Variants in RYR1 observed in about 807,000 individuals in gnomAD.
RYR1 encodes the protein central core disease of muscle.
RYR1 carries 342 observed loss-of-function variants against 583.5 expected under a neutral mutation model. That is an observed-to-expected ratio of 0.59 (90% CI 0.54 to 0.64). The LOEUF is 0.64. Ranked by LOEUF, RYR1 falls within the 30% of genes least tolerant of loss-of-function variation. The probability of loss-of-function intolerance (pLI) is 0.00; values close to 1 mark genes in which losing one functional copy is unlikely to be tolerated. For synonymous variants in RYR1, 2,791 were observed against 2,822.5 expected (o/e 0.99, Z 0.35); for missense variants, 6,032 against 6,917.2 (o/e 0.87, Z 4.54).
At chr19:38,571,547 GAATC>G (rs1973714720) in intron 94 of RYR1, among the ~76,000 whole-genome samples, 1 of 152,260 alleles carries the variant, frequency 6.6e-6, no homozygotes, top group African/African-American at 2.4e-5. Context: ...TGAGGCAGTA[GAATC>G]CCTTGAACCC....
rs1412201176 is a variant in RYR1 at position 38,506,479 on chromosome 19, A to G, written c.8625A>G (p.Ala2875=). 7.4e-6 allele frequency: 12 copies of G among 1,614,012 alleles called. No homozygotes were observed. Among genetic ancestry groups the G allele is most frequent in the Admixed American group, 1.7e-5 (1 of 60,002 alleles). ...VTLSRELQAM[A]EQLAENYHNT... ...TCTGCATCCACTCCCAGGCCATGGC[A>G]GAACAACTGGCAGAAAATTACCACA... Residue 2875 remains alanine (A), a synonymous_variant, in exon 56 of 106, where the codon GCA becomes GCG. Coordinates refer to ENST00000359596, the MANE Select transcript of RYR1 (RefSeq NM_000540.3).
chr19:38,485,700 A>T lies in RYR1; in HGVS notation c.5045A>T (p.His1682Leu). ...VCALGNNRVA[H>L]ALCSHVDQAQ... Reference sequence around the variant, plus strand: ...GCCCTGGGCAACAATCGCGTGGCGCACGCTCTGTGCAGCCACGTAGACCAA... The same window carrying T: ...GCCCTGGGCAACAATCGCGTGGCGCTCGCTCTGTGCAGCCACGTAGACCAA... The change falls in exon 34 of 106, where the codon CAC (histidine) becomes CTC (leucine). Residue 1682 changes from histidine to leucine, a missense_variant. By Grantham distance (99) the His-to-Leu change is moderately conservative. Transcript: ENST00000359596. The T allele has an allele frequency of 1.2e-6, 2 of 1,611,574 alleles. No homozygotes were observed. The highest frequency in any genetic ancestry group is 1.1e-5 in the South Asian group (1 of 91,054).
At chr19:38,563,875 G>A (rs1317017045) in intron 90 of RYR1, among the ~76,000 whole-genome samples, 1 of 152,172 alleles carries the variant, frequency 6.6e-6, no homozygotes, top group Non-Finnish European at 1.5e-5. Context: ...CACCTTGTCT[G>A]TGTCACCTGG....
At chr19:38,442,557 C>G in intron 3 of RYR1, 104 bp downstream of exon 3, 2 of 768,534 alleles carry the variant, frequency 2.6e-6, no homozygotes, top group South Asian at 2.9e-5. Context: ...ACCCGGGGGT[C>G]GCTTACCATC....
Position 38,561,253 on chromosome 19 carries a change from C to A in RYR1, c.12423C>A (p.Asn4141Lys). Residue 4141 changes from asparagine (N) to lysine (K), a missense_variant, in exon 90 of 106, where the codon AAC becomes AAA. Asn to Lys is a moderately conservative substitution (Grantham distance 94, BLOSUM62 0). Transcript: ENST00000359596. The surrounding 1 kb of genome is among the most constrained non-coding windows in gnomAD (Gnocchi z 4.8). The stretch of plus-strand genomic sequence containing the variant: ...AGCCAGCACGCGACATCGGCTTCAA[C>A]GTGGCGGTGCTGCTGACCAACCTGT... ...FQEPARDIGF[N>K]VAVLLTNLSE... is the part of the protein sequence containing the mutation. The A allele has an allele frequency of 1.2e-6, 2 of 1,614,076 alleles. No homozygotes were observed. The highest frequency in any genetic ancestry group is 1.7e-6 in the Non-Finnish European group (2 of 1,180,046).
rs533724284 is a variant in RYR1 at position 38,565,856 on chromosome 19, CAG to C, written c.13437+88_13437+89del. On this transcript the variant is annotated intron_variant, in intron 91 of 105. Coordinates refer to ENST00000359596, the MANE Select transcript of RYR1 (RefSeq NM_000540.3). This position sits in a 1 kb window ranked among gnomAD's most constrained non-coding sequence, Gnocchi z 4.7. ...GAGCCCGGCTGGGTGGAGACACACA[CAG>C]AGGAGAGAACTGGCTAGGGGGATGG... The C allele has an allele frequency of 3.9e-4, 521 of 1,324,076 alleles. 3 individuals are homozygous for C. In the African/African-American group the frequency reaches 7.0e-3, roughly 18 times the overall value. The allele number at this position is 1,324,076 out of a possible 1,614,324, so 82.0% of individuals were successfully genotyped here. A position where few individuals can be genotyped will look rare whatever the true frequency, so the allele number is the denominator to read the frequency against.
intron 12 of RYR1, 131 bp downstream of exon 12, chr19:38,452,016 C>G: frequency 7.9e-7 from 1 of 1,271,140 alleles, no homozygotes; most frequent in Admixed American, 1.9e-5. Context: ...GGGCCAAGCG[C>G]AGTGGCTCAC....
intron 28 of RYR1, 70 bp from the exon 29 acceptor site, chr19:38,475,248 G>A: frequency 6.5e-7 from 1 of 1,544,702 alleles, no homozygotes; most frequent in Non-Finnish European, 8.7e-7. Flanking sequence ...GGATGTGGGG[G>A]CATGAATATT....
chr19:38,440,315 G>A (rs1387105349), intron 1 of RYR1, among the ~76,000 whole-genome samples: 1 of 152,086 alleles, frequency 6.6e-6, no homozygotes, highest in Non-Finnish European at 1.5e-5. Flanking sequence ...TAAATGGGAT[G>A]ATTACTTGAG....
At chr19:38,516,024 G>A (rs1411975457) in intron 64 of RYR1, 63 bp from the exon 65 acceptor site, 1 of 1,525,256 alleles carries the variant, frequency 6.6e-7, no homozygotes, top group African/African-American at 1.4e-5. Context: ...ATGGAGATGG[G>A]GCTGGGACCC....
intron 96 of RYR1, 24 bp downstream of exon 96, chr19:38,573,331 G>C: frequency 6.2e-7 from 1 of 1,610,692 alleles, no homozygotes; most frequent in East Asian, 2.2e-5. Flanking sequence ...CCCCACCTCA[G>C]GGTGGCAGCA....
At chr19:38,478,928 C>T (rs969384994) in intron 31 of RYR1, among the ~76,000 whole-genome samples, 7 of 152,104 alleles carry the variant, frequency 4.6e-5, no homozygotes, top group African/African-American at 1.2e-4. Flanking sequence ...CCACAACAGC[C>T]GGCTAAGTTT....
At chr19:38,536,699 T>TTTTTCTCTC (rs1971984231) in intron 82 of RYR1, 51 bp from the exon 83 acceptor site, 1 of 1,611,474 alleles carries the variant, frequency 6.2e-7, no homozygotes, top group Admixed American at 1.7e-5. Flanking sequence ...TCTCCCTCTC[T>TTTTTCTCTC]TTTTCTCTCT....
At chr19:38,471,166 C>T (rs1157952535) in intron 27 of RYR1, among the ~76,000 whole-genome samples, 2 of 152,208 alleles carry the variant, frequency 1.3e-5, no homozygotes, top group Non-Finnish European at 2.9e-5. Context: ...GAAAGAATAA[C>T]TCAGAGACAT....
Position 38,561,507 on chromosome 19 carries a change from G to T in RYR1, c.12624+53G>T. On this transcript the variant is annotated intron_variant, in intron 90 of 105. Transcript: ENST00000359596. This position sits in a 1 kb window ranked among gnomAD's most constrained non-coding sequence, Gnocchi z 4.8. ...CGCCTCCTGGGGCTTCGGGCATGCG[G>T]GTGCTCACTTCCTGCACCCTCAGAC... 1 of 1,538,660 alleles carries T rather than the reference G, an allele frequency of 6.5e-7. No homozygotes were observed. Among genetic ancestry groups the T allele is most frequent in the South Asian group, 1.2e-5 (1 of 84,542 alleles).
intron 64 of RYR1, 110 bp downstream of exon 64, chr19:38,515,217 C>T (rs757604069): frequency 1.0e-5 from 9 of 880,240 alleles, no homozygotes; most frequent in Non-Finnish European, 1.5e-5. Flanking sequence ...AAGAATTTTC[C>T]CGCACACGGC....
At position 38,483,596 on chromosome 19, in the gene RYR1, TCAACA is replaced by T. The variant is rs1969127797; in HGVS notation, c.4934+85_4934+89del. Reference sequence around the variant, plus strand: ...TCTGGGTCCCACTCAGTGCCCCTCCTCAACACAACCCCGGGATTCCAGACTACACC... The same window carrying T: ...TCTGGGTCCCACTCAGTGCCCCTCCTCAACCCCGGGATTCCAGACTACACC... On this transcript the variant is annotated intron_variant, in intron 33 of 105. Transcript: ENST00000359596. This position sits in a 1 kb window ranked among gnomAD's most constrained non-coding sequence, Gnocchi z 6.3. 8.0e-7 allele frequency: 1 copy of T among 1,255,086 alleles called. No individual in the cohort carries two copies. The highest frequency in any genetic ancestry group is 1.1e-6 in the Non-Finnish European group (1 of 894,750). 77.7% of individuals were successfully genotyped at this position (1,255,086 alleles called of 1,614,324 possible).
intron 39 of RYR1, 106 bp downstream of exon 39, chr19:38,494,731 G>C (rs1969728700): frequency 1.4e-6 from 2 of 1,428,748 alleles, no homozygotes; most frequent in African/African-American, 1.4e-5. Context: ...TCCTCTGGGT[G>C]ATCTCAGTCT....
At position 38,499,191 on chromosome 19, in the gene RYR1, C is replaced by T. The variant is rs2145598106; in HGVS notation, c.6975C>T (p.Pro2325=). 6.2e-7 allele frequency: 1 copy of T among 1,614,194 alleles called. No individual in the cohort carries two copies. The highest frequency in any genetic ancestry group is 1.1e-5 in the South Asian group (1 of 91,090). The change falls in exon 43 of 106, where the codon CCC becomes CCT. Residue 2325 remains proline (P), a synonymous_variant. Coordinates refer to ENST00000359596, the MANE Select transcript of RYR1 (RefSeq NM_000540.3). This position sits in a 1 kb window ranked among gnomAD's most constrained non-coding sequence, Gnocchi z 7.3. ...AKGYPDIGWN[P]CGGERYLDFL... is the part of the protein sequence containing the mutation. ...GGTACCCAGACATTGGCTGGAACCCCTGTGGTGGAGAGCGCTACCTGGACT... is the reference window on the plus strand; with the variant it reads ...GGTACCCAGACATTGGCTGGAACCCTTGTGGTGGAGAGCGCTACCTGGACT...
Sources: allele counts gnomAD v4.1 joint callset (sites outside exome capture counted in the v4.1 genomes callset), GRCh38; gene constraint gnomAD v4.1.1; non-coding constraint Gnocchi (gnomAD v3.1); transcripts MANE v1.5; gene names NCBI Gene and HGNC (gene_info 2026-07-23, HGNC 2026-07-21).